Variants in SIKE1 observed in about 807,000 individuals in gnomAD.
SIKE1 encodes the protein suppressor of IKK epsilon.
SIKE1 carries 13 observed loss-of-function variants against 25.8 expected under a neutral mutation model. The ratio of observed to expected loss-of-function variants is 0.50; its 90% CI spans 0.33 to 0.80. The LOEUF (loss-of-function observed/expected upper bound fraction) is 0.80, where lower values mean the gene tolerates loss of function less well. Among genes scored for constraint, SIKE1 ranks in the 30% least tolerant of loss-of-function variants. The probability of loss-of-function intolerance (pLI) is 0.02; values close to 1 mark genes in which losing one functional copy is unlikely to be tolerated. For missense variants in SIKE1, 222 were observed against 252.4 expected, an observed-to-expected ratio of 0.88 and a Z score of 0.82; for synonymous variants, 86 against 95.5, an observed-to-expected ratio of 0.90 and a Z score of 0.58.
chr1:114,776,594 C>T (rs1253536692), intron 3 of SIKE1, 135 bp from the exon 4 acceptor site: 3 of 643,626 alleles, frequency 4.7e-6, no homozygotes, highest in African/African-American at 3.7e-5. Context: ...AGTTTCCCTA[C>T]AATTTTAGTC....
Position 114,773,734 on chromosome 1 carries a change from G to C in SIKE1, c.*537C>G, listed in dbSNP as rs1417530020. On this transcript the variant is annotated 3_prime_UTR_variant, in exon 5 of 5. Coordinates refer to ENST00000060969, the MANE Select transcript of SIKE1 (RefSeq NM_025073.3). ...AAAAGTAAAGGCACCAGGCTATAAA[G>C]TGCCAATTCTTAGCACCAGAGAGAC... 1 of 152,570 alleles carries C rather than the reference G, an allele frequency of 6.6e-6. No individual in the cohort carries two copies. Among genetic ancestry groups the C allele is most frequent in the African/African-American group, 2.4e-5 (1 of 41,430 alleles). 9.5% of individuals were successfully genotyped at this position (152,570 alleles called of 1,614,324 possible).
chr1:114,779,111 G>A, intron 3 of SIKE1, 31 bp downstream of exon 3: 1 of 1,608,738 alleles, frequency 6.2e-7, no homozygotes, highest in Non-Finnish European at 8.5e-7. Context: ...TTTCAATTTG[G>A]TTCATTTCGA....
rs575600364 is a variant in SIKE1, at chr1:114,770,909, T to G, written c.*3362A>C. The G allele has an allele frequency of 3.3e-5, 5 of 152,394 alleles. No individual in the cohort carries two copies. The South Asian group carries it at 1.0e-3, about 32-fold the overall frequency. The allele number at this position is 152,394 out of a possible 1,614,324, so 9.4% of individuals were successfully genotyped here. On this transcript the variant is annotated 3_prime_UTR_variant, in exon 5 of 5. Transcript: ENST00000060969. Reference sequence around the variant, plus strand: ...TATTTGGGACAGCTATGTACCCTGCTTTCTTTGCAGGTACCAGTGGCCATT... The same window carrying G: ...TATTTGGGACAGCTATGTACCCTGCGTTCTTTGCAGGTACCAGTGGCCATT...
rs1662371084 is a variant in SIKE1 at position 114,780,437 on chromosome 1, C to T, written c.159+12G>A. 6.2e-7 allele frequency: 1 copy of T among 1,609,632 alleles called. No homozygotes were observed. Among genetic ancestry groups the T allele is most frequent in the Admixed American group, 1.7e-5 (1 of 59,974 alleles). ...GAATCCGAGAGCACTGGACTCCTACCCTCTGCCTGACCTGGTCCGGAAGCG... is the reference window on the plus strand; with the variant it reads ...GAATCCGAGAGCACTGGACTCCTACTCTCTGCCTGACCTGGTCCGGAAGCG... On this transcript the variant is annotated intron_variant, in intron 1 of 4. Transcript: ENST00000060969.
chr1:114,779,079 A>G, intron 3 of SIKE1, 63 bp downstream of exon 3: 2 of 1,591,498 alleles, frequency 1.3e-6, no homozygotes, highest in Non-Finnish European at 1.7e-6. Flanking sequence ...AAACAAGCAC[A>G]CAATCTAAAA....
In SIKE1 at chr1:114,777,291, A is replaced by G. The variant is rs371134964; in HGVS notation, c.409-832T>C. 5.9e-5 allele frequency among the ~76,000 whole-genome samples: 9 copies of G among 152,334 alleles called. No individual in the cohort carries two copies. In the East Asian group the frequency reaches 1.2e-3, roughly 20 times the overall value. On this transcript the variant is annotated intron_variant, in intron 3 of 4. Coordinates refer to ENST00000060969, the MANE Select transcript of SIKE1 (RefSeq NM_025073.3). ...GCCTCCTTAAGGGGATCCTCATTCC[A>G]GTTGTATATGTTCTATTGATACCAC...
At chr1:114,776,263 T>C (rs1339040775) in intron 4 of SIKE1, 83 bp downstream of exon 4, 1 of 835,332 alleles carries the variant, frequency 1.2e-6, no homozygotes, top group Non-Finnish European at 2.0e-6. Flanking sequence ...ATCAATATAT[T>C]ACAGTGATGG....
At chr1:114,779,757 A>G (rs905650533) in intron 2 of SIKE1, among the ~76,000 whole-genome samples, 5 of 152,248 alleles carry the variant, frequency 3.3e-5, no homozygotes, top group Admixed American at 2.6e-4. Context: ...CCTTGCACAA[A>G]CAAGAACATA....
Position 114,773,560 on chromosome 1 carries a change from G to A in SIKE1, c.*711C>T, listed in dbSNP as rs1372760106. ...TTTAGTATTTGAACTAAGTGCACAT[G>A]TGTGCATTCACATACACAGGACAAG... On this transcript the variant is annotated 3_prime_UTR_variant, in exon 5 of 5. Coordinates refer to ENST00000060969, the MANE Select transcript of SIKE1 (RefSeq NM_025073.3). 2 of 152,522 alleles carry A rather than the reference G, an allele frequency of 1.3e-5. No individual in the cohort carries two copies. Among genetic ancestry groups the A allele is most frequent in the African/African-American group, 4.8e-5 (2 of 41,452 alleles). The allele number at this position is 152,522 out of a possible 1,614,324, so 9.4% of individuals were successfully genotyped here.
At position 114,780,145 on chromosome 1, in the gene SIKE1, T is replaced by TTC. The variant is rs1662360120; in HGVS notation, c.228_229dup (p.Asn77ArgfsTer30). On this transcript the variant is annotated frameshift_variant, in exon 2 of 5. Coordinates refer to ENST00000060969, the MANE Select transcript of SIKE1 (RefSeq NM_025073.3). LOFTEE classifies it high-confidence loss of function. ...CTGTTGCAAGTCTCTAATCTGTGTG[T>TTC]TCTCTTGGGACAGCAGAATGTGAGG... is the stretch of plus-strand genomic sequence containing the variant. The TTC allele has an allele frequency of 6.2e-7, 1 of 1,613,868 alleles. No individual in the cohort carries two copies. Among genetic ancestry groups the TTC allele is most frequent in the African/African-American group, 1.3e-5 (1 of 74,892 alleles).
At chr1:114,780,297 G>C in intron 1 of SIKE1, 82 bp from the exon 2 acceptor site, 2 of 1,558,018 alleles carry the variant, frequency 1.3e-6, no homozygotes, top group Non-Finnish European at 8.8e-7. Flanking sequence ...TAGGGCTCCA[G>C]GGCAGGATTC....
At position 114,770,475 on chromosome 1, in the gene SIKE1, A is replaced by G. The variant is rs1662039279; in HGVS notation, c.*3796T>C. On this transcript the variant is annotated 3_prime_UTR_variant, in exon 5 of 5. Coordinates refer to ENST00000060969, the MANE Select transcript of SIKE1 (RefSeq NM_025073.3). ...GCTGTACCTCTGTGGAGATGAATGC[A>G]GTAGTGTTGTTAATCACCATCTTCA... 1 of 152,250 alleles carries G rather than the reference A, an allele frequency of 6.6e-6. No individual in the cohort carries two copies. Among genetic ancestry groups the G allele is most frequent in the African/African-American group, 2.4e-5 (1 of 41,466 alleles). The allele number at this position is 152,250 out of a possible 1,614,324, so 9.4% of individuals were successfully genotyped here. A position where few individuals can be genotyped will look rare whatever the true frequency, so the allele number is the denominator to read the frequency against.
chr1:114,775,503 C>CTTT (rs35490891), intron 4 of SIKE1, among the ~76,000 whole-genome samples: 3 of 122,604 alleles, frequency 2.4e-5, no homozygotes, highest in African/African-American at 3.4e-5. Flanking sequence ...AAATGCTTTG[C>CTTT]TTTTTTTTTT....
chr1:114,774,503 C>A, intron 4 of SIKE1, 131 bp from the exon 5 acceptor site: 1 of 586,078 alleles, frequency 1.7e-6, no homozygotes, highest in Non-Finnish European at 3.0e-6. Flanking sequence ...AAAAAATCCA[C>A]TAGTTGAGAA....
At chr1:114,777,154 G>C (rs1220918890) in intron 3 of SIKE1, among the ~76,000 whole-genome samples, 3 of 152,066 alleles carry the variant, frequency 2.0e-5, no homozygotes, top group Non-Finnish European at 4.4e-5. Flanking sequence ...TAATGTAAAG[G>C]ACGAGTTAAT....
At position 114,774,083 on chromosome 1, in the gene SIKE1, AG is replaced by A; in HGVS notation, c.*187del. ...AAAGGAATGGTGAAATTCAGCATGTAGTATTCACATTAACACATCTGAGAAC... is the reference window on the plus strand; with the variant it reads ...AAAGGAATGGTGAAATTCAGCATGTATATTCACATTAACACATCTGAGAAC... On this transcript the variant is annotated 3_prime_UTR_variant, in exon 5 of 5. Transcript: ENST00000060969. 1 of 402,434 alleles carries A rather than the reference AG, an allele frequency of 2.5e-6. No individual in the cohort carries two copies. The highest frequency in any genetic ancestry group is 4.4e-6 in the Non-Finnish European group (1 of 224,968). The allele number at this position is 402,434 out of a possible 1,614,324, so 24.9% of individuals were successfully genotyped here.
chr1:114,780,220 A>G lies in SIKE1; in HGVS notation c.160-5T>C. 1 of 1,600,670 alleles carries G rather than the reference A, an allele frequency of 6.2e-7. No homozygotes were observed. The highest frequency in any genetic ancestry group is 1.1e-5 in the South Asian group (1 of 90,482). Reference sequence around the variant, plus strand: ...ATCGGATGCATCCTCTTGATACTGGACAAATAGAGACAGACTAAGCATGCC... The same window carrying G: ...ATCGGATGCATCCTCTTGATACTGGGCAAATAGAGACAGACTAAGCATGCC... On this transcript the variant is annotated splice_polypyrimidine_tract_variant and splice_region_variant and intron_variant, in intron 1 of 4. Transcript: ENST00000060969.
rs373435930 is a variant in SIKE1, at chr1:114,780,088, G to A, written c.265+22C>T. The A allele has an allele frequency of 2.0e-5, 30 of 1,535,752 alleles. No homozygotes were observed. In the African/African-American group the frequency reaches 3.9e-4, roughly 20 times the overall value. On this transcript the variant is annotated intron_variant, in intron 2 of 4. Transcript: ENST00000060969. ...TTGCAATAACTTTAAACTATTACCA[G>A]ATATGAAAAGGCCTGACTAACCTCT... is the stretch of plus-strand genomic sequence containing the variant.
At chr1:114,777,534 A>C (rs757454525) in intron 3 of SIKE1, among the ~76,000 whole-genome samples, 13 of 152,196 alleles carry the variant, frequency 8.5e-5, no homozygotes, top group Non-Finnish European at 1.9e-4. Flanking sequence ...GATTTGTGTT[A>C]CACTCATGTC....
Sources: allele counts gnomAD v4.1 joint callset (sites outside exome capture counted in the v4.1 genomes callset), GRCh38; gene constraint gnomAD v4.1.1; transcripts MANE v1.5; gene names NCBI Gene and HGNC (gene_info 2026-07-23, HGNC 2026-07-21).